CYP39A1: variants seen among roughly 807,000 people sequenced by gnomAD.
CYP39A1 encodes the protein 24-hydroxycholesterol 7-alpha-hydroxylase.
A neutral mutation model predicts 58.1 loss-of-function variants in CYP39A1; 49 were observed. That is an observed-to-expected ratio of 0.84 (90% confidence interval 0.67 to 1.07). The LOEUF is 1.07. Among genes scored for constraint, CYP39A1 ranks in the 50% least tolerant of loss-of-function variants. The pLI, the probability that CYP39A1 is intolerant of heterozygous loss-of-function variation, is 0.00. For synonymous variants in CYP39A1, 209 were observed against 187.6 expected (o/e 1.11, Z -0.93); for missense variants, 531 against 539.4 (o/e 0.98, Z 0.16).
At chr6:46,578,036 A>C (rs1771932612) in intron 10 of CYP39A1, among the ~76,000 whole-genome samples, 1 of 152,096 alleles carries the variant, frequency 6.6e-6, no homozygotes, top group Admixed American at 6.5e-5. Flanking sequence ...TCATAAAAGC[A>C]ATACTCAACA....
At chr6:46,625,541 A>G (rs1288311716) in intron 6 of CYP39A1, 33 bp from the exon 7 acceptor site, 3 of 1,517,356 alleles carry the variant, frequency 2.0e-6, no homozygotes, top group Non-Finnish European at 1.8e-6. Flanking sequence ...AAAAATATGA[A>G]CTTCTTTGAA....
At chr6:46,649,440 C>A (rs1270054938) in intron 1 of CYP39A1, among the ~76,000 whole-genome samples, 1 of 152,196 alleles carries the variant, frequency 6.6e-6, no homozygotes, top group Non-Finnish European at 1.5e-5. Context: ...GGAATCGTTG[C>A]AAGATCATTG....
chr6:46,637,240 C>A (rs1378740769), intron 4 of CYP39A1, among the ~76,000 whole-genome samples: 1 of 152,182 alleles, frequency 6.6e-6, no homozygotes, highest in Admixed American at 6.5e-5. Flanking sequence ...TGCTGGCACC[C>A]TCATCTCAGG....
intron 10 of CYP39A1, among the ~76,000 whole-genome samples, chr6:46,566,502 AACTC>A (rs1461274830): frequency 6.6e-6 from 1 of 152,122 alleles, no homozygotes; most frequent in African/African-American, 2.4e-5. Context: ...ATCTCGTGAG[AACTC>A]ACTCACTATC....
At chr6:46,556,522 T>A (rs1308808129) in intron 10 of CYP39A1, among the ~76,000 whole-genome samples, 1 of 151,790 alleles carries the variant, frequency 6.6e-6, no homozygotes, top group Non-Finnish European at 1.5e-5. Flanking sequence ...AAAAGGGAAA[T>A]CAAAGCACAA....
At chr6:46,642,935 G>A (rs140417764) in intron 1 of CYP39A1, among the ~76,000 whole-genome samples, 96 of 152,188 alleles carry the variant, frequency 6.3e-4, no homozygotes, top group African/African-American at 2.0e-3. Context: ...TTCTCCATGC[G>A]TTCCCTCCTC....
At chr6:46,625,325 AT>A in intron 7 of CYP39A1, 92 bp downstream of exon 7, 2 of 879,716 alleles carry the variant, frequency 2.3e-6, no homozygotes, top group South Asian at 2.1e-5. Context: ...ATTATGTTGA[AT>A]TTTTATAAAA....
intron 3 of CYP39A1, 106 bp downstream of exon 3, chr6:46,639,388 A>T: frequency 9.3e-7 from 1 of 1,076,088 alleles, no homozygotes; most frequent in Non-Finnish European, 1.4e-6. Context: ...CTAGTTAGGT[A>T]GATTTCATTA....
intron 5 of CYP39A1, among the ~76,000 whole-genome samples, chr6:46,633,699 A>G (rs949970613): frequency 6.6e-6 from 1 of 152,166 alleles, no homozygotes; most frequent in Admixed American, 6.5e-5. Flanking sequence ...TCTACTAAAA[A>G]TATAAAAAAT....
intron 7 of CYP39A1, among the ~76,000 whole-genome samples, chr6:46,613,022 A>C (rs1774309259): frequency 6.6e-6 from 1 of 152,274 alleles, no homozygotes; most frequent in Admixed American, 6.5e-5. Flanking sequence ...ATGGGTAAAC[A>C]ATGACAATAT....
Position 46,583,090 on chromosome 6 carries a change from C to T in CYP39A1, c.1250+3987G>A, listed in dbSNP as rs538035605. Reference sequence around the variant, plus strand: ...GACTCCCTAGAATACATGAAAGACCCAAACATACACAAAAAGTAAAAATCA... The same window carrying T: ...GACTCCCTAGAATACATGAAAGACCTAAACATACACAAAAAGTAAAAATCA... On this transcript the variant is annotated intron_variant, in intron 10 of 11. Transcript: ENST00000275016. 1.3e-5 allele frequency: 13 copies of T among 985,250 alleles called. No homozygotes were observed. In the South Asian group the frequency reaches 6.1e-4, roughly 46 times the overall value. 61.0% of individuals were successfully genotyped at this position (985,250 alleles called of 1,614,324 possible).
chr6:46,613,970 T>A (rs1163022615), intron 7 of CYP39A1, among the ~76,000 whole-genome samples: 1 of 147,422 alleles, frequency 6.8e-6, no homozygotes. Context: ...CATCTAAATA[T>A]GTACTCTAAA....
intron 1 of CYP39A1, among the ~76,000 whole-genome samples, chr6:46,650,129 CACACACACACAT>C (rs1255168901): frequency 6.6e-6 from 1 of 151,966 alleles, no homozygotes; most frequent in Non-Finnish European, 1.5e-5. Context: ...CACACACACA[CACACACACACAT>C]ACACACATAC....
At chr6:46,616,608 T>C (rs2150559822) in intron 7 of CYP39A1, among the ~76,000 whole-genome samples, 1 of 152,236 alleles carries the variant, frequency 6.6e-6, no homozygotes. Context: ...CTGTATCCTC[T>C]ACAAGAATGT....
intron 10 of CYP39A1, among the ~76,000 whole-genome samples, chr6:46,581,312 G>A (rs1456708880): frequency 6.6e-6 from 1 of 151,914 alleles, no homozygotes; most frequent in Non-Finnish European, 1.5e-5. Flanking sequence ...TCAGGAGGCT[G>A]AGGCAGGAGG....
intron 8 of CYP39A1, among the ~76,000 whole-genome samples, chr6:46,595,654 G>C (rs988530433): frequency 1.3e-5 from 2 of 151,876 alleles, no homozygotes; most frequent in Non-Finnish European, 2.9e-5. Context: ...TTAGACAGGA[G>C]GAGTAAGTTC....
chr6:46,602,930 G>GA (rs572986712), intron 7 of CYP39A1, among the ~76,000 whole-genome samples: 1 of 136,234 alleles, frequency 7.3e-6, no homozygotes, highest in South Asian at 2.8e-4. Context: ...AAATGGGGGG[G>GA]GGGAGCTTTA....
chr6:46,597,826 A>G (rs944400552), intron 7 of CYP39A1, among the ~76,000 whole-genome samples: 4 of 152,140 alleles, frequency 2.6e-5, no homozygotes, highest in Non-Finnish European at 5.9e-5. Context: ...TTAACACCTC[A>G]ACAATGAAAC....
chr6:46,643,730 A>G (rs1776482329), intron 1 of CYP39A1, among the ~76,000 whole-genome samples: 1 of 152,230 alleles, frequency 6.6e-6, no homozygotes, highest in Non-Finnish European at 1.5e-5. Flanking sequence ...ATAACTGCGG[A>G]GTAAAAGATG....
Sources: allele counts gnomAD v4.1 joint callset (sites outside exome capture counted in the v4.1 genomes callset), GRCh38; gene constraint gnomAD v4.1.1; transcripts MANE v1.5; gene names NCBI Gene and HGNC (gene_info 2026-07-23, HGNC 2026-07-21).